The following LOXHD1 variants were observed in gnomAD, a reference collection of about 807,000 sequenced individuals.
LOXHD1 encodes the protein lipoxygenase homology domain-containing protein 1.
Under a neutral mutation model 248.2 loss-of-function variants are expected in LOXHD1, and 205 were observed. The observed-to-expected ratio is 0.83, with a 90% CI of 0.74 to 0.93. LOXHD1 has a LOEUF of 0.93. Among genes scored for constraint, LOXHD1 ranks in the 40% least tolerant of loss-of-function variants. The pLI, the probability that LOXHD1 is intolerant of heterozygous loss-of-function variation, is 0.00. For missense variants in LOXHD1, 2,930 were observed against 2,971.6 expected (o/e 0.99, Z 0.33); for synonymous variants, 1,113 against 1,162.8 (o/e 0.96, Z 0.87).
Position 46,593,612 on chromosome 18 carries a change from G to C in LOXHD1, c.1419C>G (p.Ile473Met), listed in dbSNP as rs545358723. ...AATCCTCTCCTACCCTAAACTTCTC[G>C]ATTATGCCGGGTTTGAACCACTTGT... ...PNNKWFKPGI[I>M]EKFRIELPDL... is the part of the protein sequence containing the mutation. The change falls in exon 10 of 41, where the codon ATC becomes ATG. Residue 473 changes from isoleucine (I) to methionine (M), a missense_variant. By Grantham distance (10) the Ile-to-Met change is conservative. Coordinates refer to ENST00000642948, the MANE Select transcript of LOXHD1 (RefSeq NM_001384474.1). The C allele has an allele frequency of 3.2e-6, 5 of 1,552,146 alleles. No individual in the cohort carries two copies. The Admixed American group carries it at 5.9e-5, about 18-fold the overall frequency.
chr18:46,542,250 C>G (rs2036592750), intron 24 of LOXHD1, among the ~76,000 whole-genome samples: 1 of 152,132 alleles, frequency 6.6e-6, no homozygotes, highest in Admixed American at 6.5e-5. Context: ...TGCTGTCCTT[C>G]CTTGAAGAAG....
At chr18:46,509,946 AG>A (rs1170843632) in intron 34 of LOXHD1, 131 bp from the exon 35 acceptor site, 2 of 686,126 alleles carry the variant, frequency 2.9e-6, no homozygotes, top group Admixed American at 4.2e-5. Flanking sequence ...CTCTGCTCTC[AG>A]CAACTCTCCA....
At chr18:46,623,737 G>A (rs759603168) in intron 4 of LOXHD1, among the ~76,000 whole-genome samples, 2 of 152,174 alleles carry the variant, frequency 1.3e-5, no homozygotes, top group African/African-American at 4.8e-5. Context: ...GCCTGCCTGC[G>A]CCTGGTGCAC....
intron 12 of LOXHD1, 71 bp downstream of exon 12, chr18:46,591,862 A>C: frequency 6.6e-7 from 1 of 1,526,588 alleles, no homozygotes; most frequent in Non-Finnish European, 8.9e-7. Flanking sequence ...CTCAGCTCAT[A>C]GGTCAGGCCC....
In LOXHD1 at chr18:46,561,262, C is replaced by A. The variant is rs938882033; in HGVS notation, c.2599-717G>T. Among the ~76,000 whole-genome samples, 6 of 152,212 alleles carry A rather than the reference C, an allele frequency of 3.9e-5. 1 individual carries two copies. In the East Asian group the frequency reaches 5.8e-4, roughly 15 times the overall value. On this transcript the variant is annotated intron_variant, in intron 18 of 40. Coordinates refer to ENST00000642948, the MANE Select transcript of LOXHD1 (RefSeq NM_001384474.1). ...TTCATCCTCACAAGCTGGTCTCTGC[C>A]CTCTTGATTATGAGTTCCTTAAAGG...
At chr18:46,631,824 T>C (rs1196411013) in intron 4 of LOXHD1, among the ~76,000 whole-genome samples, 3 of 152,232 alleles carry the variant, frequency 2.0e-5, no homozygotes, top group African/African-American at 7.2e-5. Context: ...AGCTGTCGGC[T>C]GTCCGTGGTC....
At chr18:46,621,320 AT>A (rs1223604674) in intron 4 of LOXHD1, among the ~76,000 whole-genome samples, 2 of 152,208 alleles carry the variant, frequency 1.3e-5, no homozygotes, top group African/African-American at 4.8e-5. Flanking sequence ...GGATGCTGAC[AT>A]TTATTACATT....
chr18:46,653,717 A>G (rs539082879), intron 1 of LOXHD1, among the ~76,000 whole-genome samples: 9 of 152,272 alleles, frequency 5.9e-5, no homozygotes, highest in Non-Finnish European at 1.0e-4. Context: ...AAAACTGACC[A>G]GGATTTGAAG....
chr18:46,554,071 G>A (rs535496364), intron 21 of LOXHD1, among the ~76,000 whole-genome samples: 2 of 152,332 alleles, frequency 1.3e-5, no homozygotes, highest in African/African-American at 2.4e-5. Flanking sequence ...GCAGGATTTG[G>A]AGCAGAGGAG....
At position 46,546,972 on chromosome 18, in the gene LOXHD1, T is replaced by C. The variant is rs370803340; in HGVS notation, c.3437A>G (p.Tyr1146Cys). The C allele has an allele frequency of 2.9e-5, 45 of 1,551,612 alleles. No individual in the cohort carries two copies. Among genetic ancestry groups the C allele is most frequent in the Middle Eastern group, 1.7e-4 (1 of 6,014 alleles). ...ACCCTCCTCGCTCTGTGGCAGCACA[T>C]AGGACTCATCCACTGGCAACAGCTC... is the stretch of plus-strand genomic sequence containing the variant. ...SRELLPVDES[Y>C]VLPQSEEGRG... Residue 1146 changes from tyrosine to cysteine, a missense_variant, in exon 22 of 41, where the codon TAT becomes TGT. Physicochemically the swap from Tyr to Cys is radical, Grantham distance 194. Coordinates refer to ENST00000642948, the MANE Select transcript of LOXHD1 (RefSeq NM_001384474.1).
At position 46,509,825 on chromosome 18, in the gene LOXHD1, G is replaced by A. The variant is rs1235383338; in HGVS notation, c.5400-10C>T. The stretch of plus-strand genomic sequence containing the variant: ...CTGCTCCCGCTCAAACCTGGGGGTG[G>A]AGAGGAGGGGCATGAAGAAGGGAAG... On this transcript the variant is annotated splice_polypyrimidine_tract_variant and intron_variant, in intron 34 of 40. Transcript: ENST00000642948. The A allele has an allele frequency of 2.8e-6, 4 of 1,437,542 alleles. No homozygotes were observed. Among genetic ancestry groups the A allele is most frequent in the Non-Finnish European group, 1.9e-6 (2 of 1,068,774 alleles). The allele number at this position is 1,437,542 out of a possible 1,614,324, so 89.0% of individuals were successfully genotyped here.
intron 11 of LOXHD1, 35 bp downstream of exon 11, chr18:46,592,463 A>G: frequency 6.6e-7 from 1 of 1,515,310 alleles, no homozygotes; most frequent in Non-Finnish European, 9.0e-7. Context: ...TTCCTTTCCC[A>G]ACAACCTCCC....
intron 34 of LOXHD1, among the ~76,000 whole-genome samples, chr18:46,514,844 C>T (rs1470033887): frequency 6.6e-6 from 1 of 152,212 alleles, no homozygotes; most frequent in African/African-American, 2.4e-5. Flanking sequence ...TAGGCATTTA[C>T]TTCCCGCTAT....
At chr18:46,539,940 G>T (rs1251302305) in intron 25 of LOXHD1, among the ~76,000 whole-genome samples, 2 of 152,172 alleles carry the variant, frequency 1.3e-5, no homozygotes, top group Admixed American at 6.5e-5. Context: ...AGATGAAGAC[G>T]TTGCTTTCAT....
downstream of LOXHD1, chr18:46,477,026 G>A (rs766462303): frequency 1.1e-5 from 7 of 618,260 alleles, no homozygotes; most frequent in Non-Finnish European, 2.0e-5. Context: ...TTCTTAGCAA[G>A]CAGATGCTAA....
At chr18:46,502,206 A>G (rs1305935513) in intron 37 of LOXHD1, among the ~76,000 whole-genome samples, 2 of 152,162 alleles carry the variant, frequency 1.3e-5, no homozygotes, top group African/African-American at 4.8e-5. Flanking sequence ...TACTTTTTGA[A>G]TCTTCTTCTC....
Position 46,654,025 on chromosome 18 carries a change from G to C in LOXHD1, c.130+2879C>G, listed in dbSNP as rs2144410720. On this transcript the variant is annotated intron_variant, in intron 1 of 40. Coordinates refer to ENST00000642948, the MANE Select transcript of LOXHD1 (RefSeq NM_001384474.1). The stretch of plus-strand genomic sequence containing the variant: ...TCCAAAATTCAGGTGTTGCCATTGT[G>C]ATAGTATTAAGGGGTGGGGCCTTTA... Among the ~76,000 whole-genome samples, 5 of 152,292 alleles carry C rather than the reference G, an allele frequency of 3.3e-5. No individual in the cohort carries two copies. The South Asian group carries it at 1.0e-3, about 32-fold the overall frequency.
chr18:46,529,375 G>C, intron 28 of LOXHD1, 44 bp from the exon 29 acceptor site: 1 of 1,503,580 alleles, frequency 6.7e-7, no homozygotes, highest in Non-Finnish European at 8.9e-7. Flanking sequence ...GGGAAGAAAA[G>C]GGTGACAGCG....
intron 23 of LOXHD1, chr18:46,544,873 A>G (rs139194476): frequency 1.9e-5 from 9 of 472,292 alleles, no homozygotes; most frequent in Non-Finnish European, 4.0e-5. Flanking sequence ...TATGATGACT[A>G]CTTGAGGGAC....
Sources: gnomAD v4.1 joint callset for allele counts (sites outside exome capture counted in the v4.1 genomes callset) on GRCh38, gnomAD v4.1.1 for gene constraint, MANE v1.5 for transcripts, NCBI Gene and HGNC (gene_info 2026-07-23, HGNC 2026-07-21) for gene names.